The following NOS1AP variants were observed in gnomAD, a reference collection of about 807,000 sequenced individuals.
NOS1AP encodes nitric oxide synthase 1 adaptor protein, also known as carboxyl-terminal PDZ ligand of neuronal nitric oxide synthase protein.
Under a neutral mutation model 56.2 loss-of-function variants are expected in NOS1AP, and 21 were observed. The observed-to-expected ratio is 0.37, with a 90% confidence interval of 0.26 to 0.54. The LOEUF (loss-of-function observed/expected upper bound fraction) is 0.54, where lower values mean the gene tolerates loss of function less well. Ranked by LOEUF, NOS1AP falls within the 20% of genes least tolerant of loss-of-function variation. The pLI, the probability that NOS1AP is intolerant of heterozygous loss-of-function variation, is 0.84. For synonymous variants in NOS1AP, 270 were observed against 274.6 expected (o/e 0.98, Z 0.17); for missense variants, 522 against 657.8 (o/e 0.79, Z 2.26).
chr1:162,172,363 G>T (rs1460855056), intron 2 of NOS1AP, among the ~76,000 whole-genome samples: 1 of 152,226 alleles, frequency 6.6e-6, no homozygotes, highest in African/African-American at 2.4e-5. Flanking sequence ...AGAAATGGCA[G>T]TCACAGAGAC....
intron 2 of NOS1AP, among the ~76,000 whole-genome samples, chr1:162,223,726 TA>T (rs1445696644): frequency 3.3e-5 from 5 of 152,184 alleles, no homozygotes; most frequent in Non-Finnish European, 7.3e-5. Flanking sequence ...GTAGAGGATA[TA>T]GGAAATTATT....
intron 4 of NOS1AP, among the ~76,000 whole-genome samples, chr1:162,332,262 A>G (rs1005727564): frequency 6.6e-6 from 1 of 152,166 alleles, no homozygotes; most frequent in Non-Finnish European, 1.5e-5. Context: ...TCAGCCTCTC[A>G]GTGTGACCTC....
chr1:162,298,033 G>A (rs10919117), intron 3 of NOS1AP, among the ~76,000 whole-genome samples: 70,548 of 152,094 alleles, frequency 0.46, 16,689 homozygotes, highest in Middle Eastern at 0.58. Flanking sequence ...CAGCCAAAGA[G>A]GAGAAAAGGG....
Position 162,172,285 on chromosome 1 carries a change from G to C in NOS1AP, c.177+17809G>C, listed in dbSNP as rs192898920. Among the ~76,000 whole-genome samples the C allele has an allele frequency of 5.3e-4, 80 of 152,356 alleles. No homozygotes were observed. In the East Asian group the frequency reaches 8.7e-3, roughly 17 times the overall value. On this transcript the variant is annotated intron_variant, in intron 2 of 9. Coordinates refer to ENST00000361897, the MANE Select transcript of NOS1AP (RefSeq NM_014697.3). ...AACACATCTTAAATTTTCACATTTT[G>C]TGGGTGGTAGGGTAGCTGTAGCAGT...
chr1:162,214,439 G>T (rs886395094), intron 2 of NOS1AP, among the ~76,000 whole-genome samples: 2 of 152,182 alleles, frequency 1.3e-5, no homozygotes, highest in Admixed American at 1.3e-4. Context: ...GAGTATGCAC[G>T]GTGGTAAAGG....
At chr1:162,332,423 G>T (rs1656798892) in intron 4 of NOS1AP, among the ~76,000 whole-genome samples, 1 of 152,136 alleles carries the variant, frequency 6.6e-6, no homozygotes, top group African/African-American at 2.4e-5. Context: ...TGTTCCTGTT[G>T]TGACCCTGGC....
intron 2 of NOS1AP, among the ~76,000 whole-genome samples, chr1:162,212,246 G>T (rs1017994574): frequency 1.3e-5 from 2 of 152,184 alleles, no homozygotes; most frequent in African/African-American, 2.4e-5. Flanking sequence ...AGAACCAGGG[G>T]CTGCATGATC....
chr1:162,220,553 G>C (rs1652736835), intron 2 of NOS1AP, among the ~76,000 whole-genome samples: 1 of 152,124 alleles, frequency 6.6e-6, no homozygotes, highest in African/African-American at 2.4e-5. Context: ...TTGCAATCTG[G>C]ACTTGGAGTC....
At chr1:162,205,224 C>T (rs1478033840) in intron 2 of NOS1AP, among the ~76,000 whole-genome samples, 7 of 152,212 alleles carry the variant, frequency 4.6e-5, no homozygotes, top group African/African-American at 9.7e-5. Flanking sequence ...GATTACTGTG[C>T]GTCAGGCATG....
chr1:162,233,992 C>T (rs1050745879), intron 2 of NOS1AP, among the ~76,000 whole-genome samples: 1 of 152,330 alleles, frequency 6.6e-6, no homozygotes, highest in Admixed American at 6.5e-5. Flanking sequence ...CACATCTTGT[C>T]TGCTATTGGA....
At chr1:162,279,313 G>C (rs1654842294) in intron 2 of NOS1AP, among the ~76,000 whole-genome samples, 2 of 152,164 alleles carry the variant, frequency 1.3e-5, no homozygotes, top group African/African-American at 4.8e-5. Context: ...CTCTCTACAG[G>C]GAGCAACCGC....
chr1:162,364,125 T>C, intron 8 of NOS1AP: 1 of 985,420 alleles, frequency 1.0e-6, no homozygotes, highest in Non-Finnish European at 1.2e-6. Flanking sequence ...TGAATCTCTT[T>C]GGAGCAAACT....
At chr1:162,212,487 C>A (rs1297758583) in intron 2 of NOS1AP, among the ~76,000 whole-genome samples, 1 of 152,152 alleles carries the variant, frequency 6.6e-6, no homozygotes, top group Non-Finnish European at 1.5e-5. Flanking sequence ...GATGGGGAAC[C>A]TCTAAGTGAC....
intron 2 of NOS1AP, among the ~76,000 whole-genome samples, chr1:162,164,808 G>A (rs1650404926): frequency 6.6e-6 from 1 of 152,156 alleles, no homozygotes; most frequent in Non-Finnish European, 1.5e-5. Context: ...GCATATTATA[G>A]GACAAGGACG....
intron 1 of NOS1AP, among the ~76,000 whole-genome samples, chr1:162,137,890 GC>G (rs1227431496): frequency 5.9e-5 from 9 of 152,100 alleles, no homozygotes; most frequent in African/African-American, 2.2e-4. Flanking sequence ...TTAACAGAAA[GC>G]AAGCAAGCGG....
At chr1:162,209,698 A>G (rs1652283588) in intron 2 of NOS1AP, among the ~76,000 whole-genome samples, 1 of 152,034 alleles carries the variant, frequency 6.6e-6, no homozygotes, top group Admixed American at 6.5e-5. Context: ...AGCCCTCCCA[A>G]CACTTTGGGA....
At chr1:162,366,975 G>A (rs1658107376) in intron 9 of NOS1AP, 77 bp from the exon 10 acceptor site, 1 of 1,564,604 alleles carries the variant, frequency 6.4e-7, no homozygotes, top group African/African-American at 1.4e-5. Context: ...CAGGGCACGG[G>A]CGGGCAGAAG....
chr1:162,199,440 T>G (rs1165365886), intron 2 of NOS1AP, among the ~76,000 whole-genome samples: 1 of 152,238 alleles, frequency 6.6e-6, no homozygotes, highest in Middle Eastern at 3.2e-3. Flanking sequence ...CCCATGTCCC[T>G]GTCCTCTCCA....
intron 1 of NOS1AP, among the ~76,000 whole-genome samples, chr1:162,143,966 A>C (rs1649344934): frequency 6.6e-6 from 1 of 152,154 alleles, no homozygotes; most frequent in Non-Finnish European, 1.5e-5. Flanking sequence ...CAGCCTTCTC[A>C]TTTCTTCAGT....
Sources: gnomAD v4.1 joint callset for allele counts (sites outside exome capture counted in the v4.1 genomes callset) on GRCh38, gnomAD v4.1.1 for gene constraint, MANE v1.5 for transcripts, NCBI Gene and HGNC (gene_info 2026-07-23, HGNC 2026-07-21) for gene names.